PARP10: variants seen among roughly 807,000 people sequenced by gnomAD.
PARP10 encodes the protein poly(ADP-ribose) polymerase family member 10, also known as protein mono-ADP-ribosyltransferase PARP10.
A neutral mutation model predicts 82.4 loss-of-function variants in PARP10; 56 were observed. The observed-to-expected ratio is 0.68, with a 90% CI of 0.55 to 0.85. PARP10 has a LOEUF of 0.85. Among genes scored for constraint, PARP10 ranks in the 40% least tolerant of loss-of-function variants. The pLI, the probability that PARP10 is intolerant of heterozygous loss-of-function variation, is 0.00. For synonymous variants in PARP10, 576 were observed against 601.1 expected, an observed-to-expected ratio of 0.96 and a Z score of 0.61; for missense variants, 1,227 against 1,379.4, an observed-to-expected ratio of 0.89 and a Z score of 1.75.
At chr8:143,982,478 AAG>A (rs1554747979) in intron 9 of PARP10, among the ~76,000 whole-genome samples, 2 of 151,958 alleles carry the variant, frequency 1.3e-5, no homozygotes, top group Admixed American at 6.5e-5. Flanking sequence ...CGTCTCAAAA[AAG>A]AGAGTGCCCC....
At position 143,984,221 on chromosome 8, in the gene PARP10, C is replaced by G; in HGVS notation, c.1669G>C (p.Gly557Arg). The change falls in exon 6 of 11, where the codon GGC becomes CGC. Residue 557 changes from glycine (G) to arginine (R), a missense_variant. Gly to Arg is a moderately radical substitution (Grantham distance 125). Transcript: ENST00000313028. The stretch of plus-strand genomic sequence containing the variant: ...GACTCCATCTCTACCTCTTCAAGGC[C>G]TGTGTCCAACGTGGCTGTGGCCAGG... Reference protein sequence around the residue: ...ERLATATLDTGLEEVDPTEAL... With the variant: ...ERLATATLDTRLEEVDPTEAL... 6.2e-7 allele frequency: 1 copy of G among 1,613,632 alleles called. No individual in the cohort carries two copies. The highest frequency in any genetic ancestry group is 8.5e-7 in the Non-Finnish European group (1 of 1,179,664).
At chr8:143,997,408 C>A (rs900853879) in intron 1 of PARP10, among the ~76,000 whole-genome samples, 1 of 152,068 alleles carries the variant, frequency 6.6e-6, no homozygotes. Flanking sequence ...TGGGAGGACT[C>A]GAGTACCAAG....
At position 143,984,642 on chromosome 8, in the gene PARP10, C is replaced by T. The variant is rs138639871; in HGVS notation, c.1360G>A (p.Ala454Thr). Reference protein sequence around the residue: ...VEMVLLMEPGAMRFLQLYHED... With the variant: ...VEMVLLMEPGTMRFLQLYHED... ...TGGTAGAGCTGCAGGAAGCGCATCG[C>T]CCCTGGCTCCATCAATAGCACCATC... is the stretch of plus-strand genomic sequence containing the variant. Residue 454 changes from alanine (A) to threonine (T), a missense_variant, in exon 5 of 11, where the codon GCG (alanine) becomes ACG (threonine). Ala to Thr is a moderately conservative substitution (Grantham distance 58). Transcript: ENST00000313028. 96 of 1,614,106 alleles carry T rather than the reference C, an allele frequency of 5.9e-5. No individual in the cohort carries two copies. In the African/African-American group the frequency reaches 1.2e-3, roughly 21 times the overall value.
At chr8:143,994,479 G>C (rs1554751097), upstream of PARP10, among the ~76,000 whole-genome samples, 1 of 152,122 alleles carries the variant, frequency 6.6e-6, no homozygotes, top group Non-Finnish European at 1.5e-5. Flanking sequence ...GGTGCCCTCA[G>C]GATGAAGTCC....
intron 1 of PARP10, among the ~76,000 whole-genome samples, chr8:143,999,385 G>A (rs1834184419): frequency 6.6e-6 from 1 of 152,056 alleles, no homozygotes; most frequent in African/African-American, 2.4e-5. Context: ...TGTATTTTTT[G>A]TAAAGATGGG....
upstream of PARP10, among the ~76,000 whole-genome samples, chr8:143,987,957 C>T (rs1222248505): frequency 1.3e-5 from 2 of 151,550 alleles, no homozygotes; most frequent in African/African-American, 4.9e-5. Flanking sequence ...CTGACCAGAC[C>T]TCAGTCCCTT....
exon 1 of PARP10, chr8:144,012,542 G>T (rs1166378400): frequency 1.3e-6 from 2 of 1,551,640 alleles, no homozygotes; most frequent in Non-Finnish European, 1.7e-6. Flanking sequence ...ATTATGAAGG[G>T]CTTCGGCATC....
chr8:144,009,631 C>T (rs540551214), intron 1 of PARP10, among the ~76,000 whole-genome samples: 2 of 152,296 alleles, frequency 1.3e-5, no homozygotes, highest in South Asian at 4.1e-4. Context: ...TGGAGCAGTA[C>T]CCCCTGCCTC....
rs1554752516 is a variant in PARP10, at chr8:144,011,757, G to A, written c.-80+773C>T. The stretch of plus-strand genomic sequence containing the variant: ...GGAATAGAGATCCAAGTGCGGAGAA[G>A]GCAACGACGGGAGATTTGGAATAGG... On this transcript the variant is annotated intron_variant, in intron 1 of 3. Coordinates refer to the PARP10 transcript ENST00000530478. The surrounding 1 kb of genome is among the most constrained non-coding windows in gnomAD (Gnocchi z 4.5). Among the ~76,000 whole-genome samples, 1 of 152,114 alleles carries A rather than the reference G, an allele frequency of 6.6e-6. No homozygotes were observed. The highest frequency in any genetic ancestry group is 2.4e-5 in the African/African-American group (1 of 41,412).
At chr8:143,987,013 C>T (rs907482584), upstream of PARP10, 1 of 154,152 alleles carries the variant, frequency 6.5e-6, no homozygotes, top group Admixed American at 6.5e-5. Flanking sequence ...CCTGCCCATT[C>T]CTGCAGCTTT....
At chr8:144,005,195 C>T (rs533650078) in intron 1 of PARP10, among the ~76,000 whole-genome samples, 57 of 148,836 alleles carry the variant, frequency 3.8e-4, no homozygotes, top group African/African-American at 1.2e-3. Flanking sequence ...AAAAAAAAAG[C>T]TACCAAGAGA....
At chr8:143,979,867 C>G (rs1328723977) in intron 9 of PARP10, among the ~76,000 whole-genome samples, 1 of 151,510 alleles carries the variant, frequency 6.6e-6, no homozygotes, top group Non-Finnish European at 1.5e-5. Context: ...CAAAATTTAG[C>G]CGGGCGCGGT....
intron 1 of PARP10, among the ~76,000 whole-genome samples, chr8:144,010,128 C>T (rs1834263831): frequency 1.3e-5 from 2 of 152,210 alleles, no homozygotes; most frequent in Non-Finnish European, 2.9e-5. Flanking sequence ...TGGTGAGGCA[C>T]ACTCCCCAAC....
rs782802584 is a variant in PARP10, at chr8:143,986,376, G to T, written c.-17C>A. 1 of 1,614,042 alleles carries T rather than the reference G, an allele frequency of 6.2e-7. No individual in the cohort carries two copies. Among genetic ancestry groups the T allele is most frequent in the African/African-American group, 1.3e-5 (1 of 74,920 alleles). ...CACTTACATTCCCCGTGGCCGCTAGGCAGCCTCAGGCCATGAGCTCAGCCA... is the reference window on the plus strand; with the variant it reads ...CACTTACATTCCCCGTGGCCGCTAGTCAGCCTCAGGCCATGAGCTCAGCCA... On this transcript the variant is annotated 5_prime_UTR_variant, in exon 1 of 11. Coordinates refer to ENST00000313028, the MANE Select transcript of PARP10 (RefSeq NM_032789.5).
chr8:143,982,832 C>T, intron 9 of PARP10, 100 bp downstream of exon 9: 1 of 1,532,058 alleles, frequency 6.5e-7, no homozygotes. Flanking sequence ...GTCAGCTGAC[C>T]TTGATGTAGG....
chr8:144,006,857 T>C (rs1434186288), intron 1 of PARP10, among the ~76,000 whole-genome samples: 1 of 152,186 alleles, frequency 6.6e-6, no homozygotes, highest in African/African-American at 2.4e-5. Flanking sequence ...TCTAGAACCA[T>C]GAAAAATCAA....
At chr8:143,990,994 C>CCCAG (rs1367970293), upstream of PARP10, 5 of 380,392 alleles carry the variant, frequency 1.3e-5, no homozygotes, top group African/African-American at 4.2e-5. The surrounding 1 kb of genome is among the most constrained non-coding windows in gnomAD (Gnocchi z 5.6). Context: ...GGCCTAGAGC[C>CCCAG]CTGGGAAGGC....
intron 1 of PARP10, among the ~76,000 whole-genome samples, chr8:144,009,294 C>T (rs553076565): frequency 7.2e-5 from 11 of 152,160 alleles, no homozygotes; most frequent in African/African-American, 2.4e-4. Context: ...CTAAAGCTGA[C>T]GCACACTTTT....
chr8:144,001,316 G>A (rs1587474488), intron 1 of PARP10, among the ~76,000 whole-genome samples: 1 of 152,076 alleles, frequency 6.6e-6, no homozygotes, highest in Admixed American at 6.5e-5. Context: ...ATCCAGCGAC[G>A]CTCCTACCTC....
Sources: allele counts gnomAD v4.1 joint callset (sites outside exome capture counted in the v4.1 genomes callset), GRCh38; gene constraint gnomAD v4.1.1; non-coding constraint Gnocchi (gnomAD v3.1); transcripts MANE v1.5; gene names NCBI Gene and HGNC (gene_info 2026-07-23, HGNC 2026-07-21).